Variants in TG observed in about 807,000 individuals in gnomAD.
TG encodes the protein thyroid hormones.
TG carries 270 observed loss-of-function variants against 324.7 expected under a neutral mutation model. The ratio of observed to expected loss-of-function variants is 0.83; its 90% confidence interval spans 0.75 to 0.92. TG has a LOEUF of 0.92. Among genes scored for constraint, TG ranks in the 40% least tolerant of loss-of-function variants. The pLI is 0.00. For synonymous variants in TG, 1,401 were observed against 1,327.0 expected (o/e 1.06, Z -1.21); for missense variants, 3,591 against 3,456.4 (o/e 1.04, Z -0.98).
At chr8:133,063,144 A>G (rs1842615197) in intron 41 of TG, among the ~76,000 whole-genome samples, 1 of 151,136 alleles carries the variant, frequency 6.6e-6, no homozygotes, top group South Asian at 2.1e-4. Context: ...AGACACAGCA[A>G]ACTGTCCCAA....
chr8:132,923,116 T>C (rs1297251934), intron 21 of TG, among the ~76,000 whole-genome samples: 1 of 151,988 alleles, frequency 6.6e-6, no homozygotes, highest in Non-Finnish European at 1.5e-5. Flanking sequence ...AAGCAGGTGG[T>C]GTGTGAAGCA....
chr8:133,104,221 A>G (rs1168814062), intron 43 of TG, among the ~76,000 whole-genome samples: 4 of 152,146 alleles, frequency 2.6e-5, no homozygotes, highest in Non-Finnish European at 4.4e-5. Context: ...GATGAAGAAG[A>G]CCAGTTATGA....
In TG at chr8:133,043,350, A is replaced by G. The variant is rs1838687152; in HGVS notation, c.7239+13327A>G. Among the ~76,000 whole-genome samples, 5 of 152,294 alleles carry G rather than the reference A, an allele frequency of 3.3e-5. No homozygotes were observed. In the South Asian group the frequency reaches 1.0e-3, roughly 32 times the overall value. ...ACTTATGGTCTCCACACCCCCTCCGATGGTTGTTATTAAAAGCCAAATACC... is the reference window on the plus strand; with the variant it reads ...ACTTATGGTCTCCACACCCCCTCCGGTGGTTGTTATTAAAAGCCAAATACC... On this transcript the variant is annotated intron_variant, in intron 41 of 47. Coordinates refer to ENST00000220616, the MANE Select transcript of TG (RefSeq NM_003235.5).
chr8:132,890,019 T>A (rs551233006), intron 10 of TG, among the ~76,000 whole-genome samples: 2 of 152,140 alleles, frequency 1.3e-5, no homozygotes, highest in South Asian at 4.2e-4. Flanking sequence ...TGACCTCAGG[T>A]GATCCACCCG....
intron 34 of TG, among the ~76,000 whole-genome samples, chr8:132,974,938 G>T (rs1830012328): frequency 6.6e-6 from 1 of 152,100 alleles, no homozygotes; most frequent in South Asian, 2.1e-4. Flanking sequence ...TCCACCTTCA[G>T]CATCCTGTGA....
Position 133,038,712 on chromosome 8 carries a change from C to T in TG, c.7239+8689C>T, listed in dbSNP as rs1417182667. ...GACTCGTCTACCCCAAGCGGGTTCT[C>T]TGTTCCCTCGGGGTCCTCCTGCAGT... On this transcript the variant is annotated intron_variant, in intron 41 of 47. Coordinates refer to ENST00000220616, the MANE Select transcript of TG (RefSeq NM_003235.5). 3.7e-6 allele frequency: 6 copies of T among 1,613,894 alleles called. No homozygotes were observed. In the East Asian group the frequency reaches 8.9e-5, roughly 24 times the overall value.
intron 41 of TG, chr8:133,072,919 G>T (rs1352017099): frequency 1.3e-5 from 2 of 152,180 alleles, no homozygotes; most frequent in African/African-American, 4.8e-5. Context: ...CATTGCTTTA[G>T]CTGTTTAATC....
intron 41 of TG, chr8:133,045,202 G>A: frequency 7.0e-7 from 1 of 1,438,050 alleles, no homozygotes. Context: ...ACTGAGGCAG[G>A]GAGACCTGCC....
chr8:132,958,824 C>T (rs371537302), intron 27 of TG, among the ~76,000 whole-genome samples: 10 of 152,086 alleles, frequency 6.6e-5, no homozygotes, highest in African/African-American at 2.2e-4. Flanking sequence ...AGAGTGAAAA[C>T]GGAACACAAA....
intron 1 of TG, among the ~76,000 whole-genome samples, chr8:132,867,456 T>A (rs1471312003): frequency 6.6e-6 from 1 of 151,204 alleles, no homozygotes; most frequent in Non-Finnish European, 1.5e-5. Flanking sequence ...TGAAGTGAAA[T>A]AGCCCTAAGT....
chr8:133,125,110 C>T (rs1037904119), intron 45 of TG, among the ~76,000 whole-genome samples: 16 of 152,186 alleles, frequency 1.1e-4, no homozygotes, highest in Non-Finnish European at 1.9e-4. Flanking sequence ...CAGAGATTTA[C>T]CTAACGCCGT....
At chr8:132,901,973 GA>G (rs763728415) in intron 16 of TG, among the ~76,000 whole-genome samples, 2 of 152,082 alleles carry the variant, frequency 1.3e-5, no homozygotes, top group Non-Finnish European at 2.9e-5. Context: ...AAAATTTAGT[GA>G]ATGTCAAATA....
chr8:133,019,561 G>A (rs754296421), intron 38 of TG, 41 bp from the exon 39 acceptor site: 39 of 1,571,678 alleles, frequency 2.5e-5, no homozygotes, highest in Middle Eastern at 1.7e-4. Context: ...GAGGGGTGGT[G>A]ATGGAGCATG....
chr8:133,004,107 C>T (rs1427481144), intron 35 of TG, among the ~76,000 whole-genome samples: 1 of 152,218 alleles, frequency 6.6e-6, no homozygotes, highest in Non-Finnish European at 1.5e-5. Flanking sequence ...CTCAATGAGT[C>T]TCTCTTCCTT....
chr8:132,948,314 C>T lies in TG; in HGVS notation c.5234-462C>T, dbSNP rs113878662. Among the ~76,000 whole-genome samples the T allele has an allele frequency of 7.6e-3, 1,146 of 150,584 alleles. 11 individuals carry two copies. Among genetic ancestry groups the T allele is most frequent in the African/African-American group, 0.026 (1,082 of 40,908 alleles). On this transcript the variant is annotated intron_variant, in intron 26 of 47. Coordinates refer to ENST00000220616, the MANE Select transcript of TG (RefSeq NM_003235.5). ...GAGTGAGCGAGAGCGAGAGTGAGAG[C>T]GAGAGCGAGAGAGAGAGAAAGAGAG...
chr8:132,991,552 A>G (rs915385291), intron 35 of TG, among the ~76,000 whole-genome samples: 2 of 152,196 alleles, frequency 1.3e-5, no homozygotes, highest in Non-Finnish European at 2.9e-5. Flanking sequence ...CACGCACACA[A>G]GCCATTTTGA....
At chr8:132,978,291 A>G (rs765525516) in intron 34 of TG, among the ~76,000 whole-genome samples, 1 of 152,182 alleles carries the variant, frequency 6.6e-6, no homozygotes, top group Non-Finnish European at 1.5e-5. Context: ...GTGAACTCAT[A>G]GAGCGAGAAT....
intron 41 of TG, among the ~76,000 whole-genome samples, chr8:133,094,462 G>C (rs757803257): frequency 2.0e-5 from 3 of 151,864 alleles, no homozygotes; most frequent in Admixed American, 6.6e-5. Context: ...GGATGGTCTC[G>C]ATCTCCTGAC....
intron 37 of TG, among the ~76,000 whole-genome samples, chr8:133,016,077 T>C (rs542122333): frequency 6.6e-6 from 1 of 152,178 alleles, no homozygotes; most frequent in Non-Finnish European, 1.5e-5. Context: ...TATTTATTCC[T>C]GTTGTAGGAG....
Sources: allele counts gnomAD v4.1 joint callset (sites outside exome capture counted in the v4.1 genomes callset), GRCh38; gene constraint gnomAD v4.1.1; transcripts MANE v1.5; gene names NCBI Gene and HGNC (gene_info 2026-07-23, HGNC 2026-07-21).